Variants in CCDC148 observed in about 807,000 individuals in gnomAD.
The protein encoded by CCDC148 is coiled-coil domain containing 148.
CCDC148 carries 89 observed loss-of-function variants against 85.7 expected under a neutral mutation model. The ratio of observed to expected loss-of-function variants is 1.04; its 90% CI spans 0.87 to 1.24. The LOEUF (loss-of-function observed/expected upper bound fraction) is 1.24, where lower values mean the gene tolerates loss of function less well. Ranked by LOEUF, CCDC148 falls within the 50% of genes most tolerant of loss-of-function variation. CCDC148 has a pLI of 0.00. For missense variants in CCDC148, 692 were observed against 671.7 expected (o/e 1.03, Z -0.33); for synonymous variants, 230 against 213.9 (o/e 1.08, Z -0.66).
At position 158,274,312 on chromosome 2, in the gene CCDC148, A is replaced by G. The variant is rs541744438; in HGVS notation, c.1111-23400T>C. 7.9e-5 allele frequency among the ~76,000 whole-genome samples: 12 copies of G among 152,340 alleles called. No homozygotes were observed. In the East Asian group the frequency reaches 2.3e-3, roughly 29 times the overall value. On this transcript the variant is annotated intron_variant, in intron 9 of 13. Transcript: ENST00000283233. The stretch of plus-strand genomic sequence containing the variant: ...ACATTAAAGTATGAAAAGATGTTAT[A>G]GACTATGTCCCTGAATTTTTCCATT...
intron 2 of CCDC148, among the ~76,000 whole-genome samples, chr2:158,355,604 T>G (rs1683587371): frequency 7.5e-6 from 1 of 132,844 alleles, no homozygotes; most frequent in Non-Finnish European, 1.6e-5. Flanking sequence ...GGAAGAACAT[T>G]CCATGCTCAT....
intron 11 of CCDC148, among the ~76,000 whole-genome samples, chr2:158,208,404 G>A (rs1373449384): frequency 2.0e-5 from 3 of 152,164 alleles, no homozygotes; most frequent in African/African-American, 7.2e-5. Context: ...TGTAAGCTGA[G>A]GCCTGATGCT....
chr2:158,439,174 C>A (rs1042304323), intron 1 of CCDC148, among the ~76,000 whole-genome samples: 3 of 152,126 alleles, frequency 2.0e-5, no homozygotes, highest in Admixed American at 6.5e-5. Context: ...GACACATGCA[C>A]GTGTATGTTT....
In CCDC148 at chr2:158,300,043, A is replaced by C. The variant is rs143547212; in HGVS notation, c.1110+9390T>G. 7.2e-5 allele frequency among the ~76,000 whole-genome samples: 11 copies of C among 152,288 alleles called. No individual in the cohort carries two copies. In the East Asian group the frequency reaches 2.1e-3, roughly 29 times the overall value. ...GCCTGGTGACTTTGTTCATGCCTAA[A>C]ATATACCTCAATTTTATGGGTAGTC... is the stretch of plus-strand genomic sequence containing the variant. On this transcript the variant is annotated intron_variant, in intron 9 of 13. Coordinates refer to ENST00000283233, the MANE Select transcript of CCDC148 (RefSeq NM_138803.4).
intron 10 of CCDC148, among the ~76,000 whole-genome samples, chr2:158,247,296 T>C (rs1688606347): frequency 6.6e-6 from 1 of 152,200 alleles, no homozygotes; most frequent in Admixed American, 6.5e-5. Context: ...TAAGATACTT[T>C]TAAAATTTAT....
At chr2:158,310,958 C>T (rs35445156) in intron 8 of CCDC148, among the ~76,000 whole-genome samples, 7 of 150,962 alleles carry the variant, frequency 4.6e-5, no homozygotes, top group African/African-American at 1.5e-4. Context: ...GACAGTGTGG[C>T]GGCCGGGAAG....
intron 13 of CCDC148, among the ~76,000 whole-genome samples, chr2:158,172,492 T>G (rs1229415826): frequency 1.3e-5 from 2 of 151,984 alleles, no homozygotes; most frequent in Admixed American, 6.6e-5. Context: ...GTGTACTAGA[T>G]TAGTCAAAAT....
At chr2:158,434,361 T>C (rs574721772) in intron 1 of CCDC148, among the ~76,000 whole-genome samples, 1 of 152,140 alleles carries the variant, frequency 6.6e-6, no homozygotes, top group Non-Finnish European at 1.5e-5. Flanking sequence ...GCAAACAGGG[T>C]CTGGAGTGGA....
At chr2:158,239,346 T>C (rs1335251656) in intron 10 of CCDC148, among the ~76,000 whole-genome samples, 1 of 149,988 alleles carries the variant, frequency 6.7e-6, no homozygotes, top group East Asian at 2.0e-4. Context: ...TAAAACTATG[T>C]CCTGACAGAG....
intron 11 of CCDC148, among the ~76,000 whole-genome samples, chr2:158,185,904 C>T (rs1307382786): frequency 6.6e-6 from 1 of 151,916 alleles, no homozygotes; most frequent in Non-Finnish European, 1.5e-5. Context: ...AAAAAATCAC[C>T]ATGCCCCAAT....
chr2:158,176,808 T>C, intron 12 of CCDC148, 147 bp from the exon 13 acceptor site: 2 of 845,504 alleles, frequency 2.4e-6, no homozygotes, highest in Non-Finnish European at 3.6e-6. Context: ...TATTAATTGG[T>C]CAGTCCTAGA....
intron 11 of CCDC148, among the ~76,000 whole-genome samples, chr2:158,202,178 A>G (rs1459062937): frequency 6.6e-6 from 1 of 152,232 alleles, no homozygotes; most frequent in Non-Finnish European, 1.5e-5. Context: ...TCATTGTTCC[A>G]TATGAATTTT....
intron 11 of CCDC148, among the ~76,000 whole-genome samples, chr2:158,201,149 A>G (rs1025359607): frequency 9.9e-5 from 15 of 152,158 alleles, no homozygotes; most frequent in East Asian, 3.8e-4. Context: ...CTTAAAAATT[A>G]TAAGTTCTTA....
chr2:158,293,541 C>T (rs116765137), intron 9 of CCDC148, among the ~76,000 whole-genome samples: 60 of 152,292 alleles, frequency 3.9e-4, no homozygotes, highest in Admixed American at 1.2e-3. Context: ...AAGCCAAGGA[C>T]TATAGTCACC....
chr2:158,185,012 C>T (rs758954735), intron 11 of CCDC148, among the ~76,000 whole-genome samples: 2 of 152,156 alleles, frequency 1.3e-5, no homozygotes, highest in South Asian at 4.1e-4. Context: ...GTTATCAAGA[C>T]AAAACCAGTT....
At chr2:158,262,398 A>T (rs1689268376) in intron 9 of CCDC148, among the ~76,000 whole-genome samples, 1 of 151,956 alleles carries the variant, frequency 6.6e-6, no homozygotes, top group Admixed American at 6.6e-5. Context: ...CAGAAAAATA[A>T]CTATAGGGTA....
intron 1 of CCDC148, among the ~76,000 whole-genome samples, chr2:158,358,803 G>A (rs1288368972): frequency 1.3e-5 from 2 of 151,900 alleles, no homozygotes; most frequent in South Asian, 2.1e-4. Context: ...AGGGTACAGA[G>A]GGAATGCTTT....
chr2:158,175,504 C>T (rs1684536424), intron 13 of CCDC148, among the ~76,000 whole-genome samples: 1 of 151,964 alleles, frequency 6.6e-6, no homozygotes, highest in African/African-American at 2.4e-5. Flanking sequence ...CTTAGACATT[C>T]ATTACAGAGT....
intron 7 of CCDC148, among the ~76,000 whole-genome samples, chr2:158,323,766 G>A (rs1275288903): frequency 6.6e-6 from 1 of 151,982 alleles, no homozygotes. Context: ...AAAATCATTT[G>A]TATTTATCAG....
Sources: gnomAD v4.1 joint callset for allele counts (sites outside exome capture counted in the v4.1 genomes callset) on GRCh38, gnomAD v4.1.1 for gene constraint, MANE v1.5 for transcripts, NCBI Gene and HGNC (gene_info 2026-07-23, HGNC 2026-07-21) for gene names.